The following VTI1A variants were observed in gnomAD, a reference collection of about 807,000 sequenced individuals.
The protein encoded by VTI1A is vesicle transport through interaction with t-SNAREs 1A, also known as vesicle transport through interaction with t-SNAREs homolog 1A.
Under a neutral mutation model 34.9 loss-of-function variants are expected in VTI1A, and 22 were observed. The observed-to-expected ratio is 0.63, with a 90% CI of 0.45 to 0.90. The LOEUF (loss-of-function observed/expected upper bound fraction) is 0.90, where lower values mean the gene tolerates loss of function less well. Among genes scored for constraint, VTI1A ranks in the 40% least tolerant of loss-of-function variants. The probability of loss-of-function intolerance (pLI) is 0.00; values close to 1 mark genes in which losing one functional copy is unlikely to be tolerated. For missense variants in VTI1A, 268 were observed against 275.6 expected (o/e 0.97, Z 0.20); for synonymous variants, 87 against 97.3 (o/e 0.89, Z 0.62).
intron 2 of VTI1A, among the ~76,000 whole-genome samples, chr10:112,463,291 A>G (rs1017247213): frequency 6.6e-6 from 1 of 152,160 alleles, no homozygotes; most frequent in African/African-American, 2.4e-5. Context: ...TGCTTGCTGT[A>G]TCTTCTTCAT....
intron 3 of VTI1A, among the ~76,000 whole-genome samples, chr10:112,485,674 AT>A (rs1848601574): frequency 6.6e-6 from 1 of 152,262 alleles, no homozygotes; most frequent in African/African-American, 2.4e-5. Context: ...GTTTGTACAC[AT>A]GCTGATAGAA....
chr10:112,633,251 G>A (rs1405893937), intron 5 of VTI1A, among the ~76,000 whole-genome samples: 4 of 152,244 alleles, frequency 2.6e-5, no homozygotes, highest in South Asian at 2.1e-4. Flanking sequence ...AGAGAATTAC[G>A]GGACTTACAT....
intron 7 of VTI1A, among the ~76,000 whole-genome samples, chr10:112,798,412 G>T (rs541716469): frequency 6.6e-6 from 1 of 152,320 alleles, no homozygotes; most frequent in South Asian, 2.1e-4. Context: ...TAGGGGGTCA[G>T]ATATCACCCT....
intron 3 of VTI1A, among the ~76,000 whole-genome samples, chr10:112,508,741 A>G (rs1212356716): frequency 6.6e-6 from 1 of 152,220 alleles, no homozygotes; most frequent in Non-Finnish European, 1.5e-5. Context: ...GAAGTGCGTT[A>G]TCTTTGAAGT....
At chr10:112,726,502 G>C (rs762268931) in intron 7 of VTI1A, among the ~76,000 whole-genome samples, 22 of 152,268 alleles carry the variant, frequency 1.4e-4, no homozygotes, top group Non-Finnish European at 2.5e-4. Context: ...ACCCAGGAAG[G>C]CTTCATAAAA....
At chr10:112,836,347 G>T in the VTI1A span, among the ~76,000 whole-genome samples, 23 of 152,164 alleles carry the variant, frequency 1.5e-4, no homozygotes, top group Non-Finnish European at 2.8e-4. Flanking sequence ...TCCTTCCTTG[G>T]TTATATAAAA....
At chr10:112,795,382 A>T (rs1289328531) in intron 7 of VTI1A, among the ~76,000 whole-genome samples, 1 of 144,972 alleles carries the variant, frequency 6.9e-6, no homozygotes, top group Middle Eastern at 3.6e-3. Flanking sequence ...AAAAATTTTT[A>T]AATAATTTTT....
At chr10:112,515,408 T>G (rs1849744047) in intron 3 of VTI1A, among the ~76,000 whole-genome samples, 1 of 152,104 alleles carries the variant, frequency 6.6e-6, no homozygotes, top group Non-Finnish European at 1.5e-5. Context: ...ATCAATATCT[T>G]TAGTGTTTGA....
intron 7 of VTI1A, among the ~76,000 whole-genome samples, chr10:112,687,025 C>T (rs189990372): frequency 1.3e-5 from 2 of 152,108 alleles, no homozygotes; most frequent in Admixed American, 1.3e-4. Flanking sequence ...ACCGCTGTAA[C>T]CTGTTCCCTC....
At chr10:112,680,613 C>T (rs1217851204) in intron 7 of VTI1A, among the ~76,000 whole-genome samples, 3 of 152,210 alleles carry the variant, frequency 2.0e-5, no homozygotes, top group Non-Finnish European at 4.4e-5. Context: ...AACTCTACTC[C>T]TAGGTAGCTT....
At chr10:112,826,997 G>A in the VTI1A span, 1 of 152,168 alleles carries the variant, frequency 6.6e-6, no homozygotes. Flanking sequence ...TGTCATTTCA[G>A]GATCAGGAAA....
chr10:112,823,523 TCTC>T (rs1366263346), downstream of VTI1A: 4 of 152,202 alleles, frequency 2.6e-5, no homozygotes, highest in South Asian at 6.2e-4. Flanking sequence ...CTCCCCTTCT[TCTC>T]CTCTCTCTGT....
intron 5 of VTI1A, among the ~76,000 whole-genome samples, chr10:112,547,925 T>C (rs1851197745): frequency 1.3e-5 from 2 of 152,144 alleles, no homozygotes; most frequent in Non-Finnish European, 2.9e-5. Context: ...AGTATAAGCT[T>C]ACTTTTTTTC....
chr10:112,608,353 G>C (rs4918759), intron 5 of VTI1A, among the ~76,000 whole-genome samples: 120,339 of 152,204 alleles, frequency 0.79, 48,558 homozygotes, highest in African/African-American at 0.93. Flanking sequence ...AATAAAGTGC[G>C]ATTTGTTTAA....
intron 3 of VTI1A, among the ~76,000 whole-genome samples, chr10:112,501,407 T>TA (rs139135977): frequency 0.015 from 2,352 of 152,280 alleles, 35 homozygotes; most frequent in South Asian, 0.028. Flanking sequence ...TTAGTAAATT[T>TA]AAATCTTTCT....
At position 112,662,351 on chromosome 10, in the gene VTI1A, T is replaced by C. The variant is rs528975342; in HGVS notation, c.428-5867T>C. 1.1e-4 allele frequency among the ~76,000 whole-genome samples: 16 copies of C among 152,352 alleles called. No homozygotes were observed. The East Asian group carries it at 2.9e-3, about 28-fold the overall frequency. ...GTTATTGATGCTATGTTCATTTTTT[T>C]AACTTTTTTTCCTCCTTCAGTTTGG... is the stretch of plus-strand genomic sequence containing the variant. On this transcript the variant is annotated intron_variant, in intron 5 of 7. Transcript: ENST00000393077.
At chr10:112,614,749 T>G (rs914655137) in intron 5 of VTI1A, among the ~76,000 whole-genome samples, 3 of 152,200 alleles carry the variant, frequency 2.0e-5, no homozygotes, top group Admixed American at 6.5e-5. Context: ...TGAAATCAGG[T>G]TAATCCAAGA....
At chr10:112,701,796 G>A (rs1849018590) in intron 7 of VTI1A, among the ~76,000 whole-genome samples, 1 of 152,196 alleles carries the variant, frequency 6.6e-6, no homozygotes, top group Non-Finnish European at 1.5e-5. Flanking sequence ...AAGAAATGCA[G>A]AGAGCCAACT....
At chr10:112,812,060 C>A (rs1185799447) in intron 7 of VTI1A, among the ~76,000 whole-genome samples, 2 of 152,212 alleles carry the variant, frequency 1.3e-5, no homozygotes, top group Non-Finnish European at 2.9e-5. Flanking sequence ...CTTGGAGAAT[C>A]CTTGATGTTT....
Sources: allele counts gnomAD v4.1 joint callset (sites outside exome capture counted in the v4.1 genomes callset), GRCh38; gene constraint gnomAD v4.1.1; transcripts MANE v1.5; gene names NCBI Gene and HGNC (gene_info 2026-07-23, HGNC 2026-07-21).